Variants in CERS6 observed in about 807,000 individuals in gnomAD.
CERS6 encodes the protein LAG1 homolog, ceramide synthase 6.
In CERS6, 26 loss-of-function variants were observed where a neutral mutation model predicts 56.8. That is an observed-to-expected ratio of 0.46 (90% CI 0.34 to 0.63). The LOEUF (loss-of-function observed/expected upper bound fraction) is 0.63, where lower values mean the gene tolerates loss of function less well. Ranked by LOEUF, CERS6 falls within the 30% of genes least tolerant of loss-of-function variation. CERS6 has a pLI of 0.01. For missense variants in CERS6, 415 were observed against 467.5 expected (o/e 0.89, Z 1.04); for synonymous variants, 164 against 173.3 (o/e 0.95, Z 0.42).
At chr2:168,721,557 T>TG (rs1296194917) in intron 8 of CERS6, among the ~76,000 whole-genome samples, 2 of 88,690 alleles carry the variant, frequency 2.3e-5, no homozygotes, top group African/African-American at 7.9e-5. Flanking sequence ...TGTTTTTGTT[T>TG]TTTTTTTTGT....
In CERS6 at chr2:168,631,102, T is replaced by G. The variant is rs946457714; in HGVS notation, c.465+60T>G. On this transcript the variant is annotated intron_variant, in intron 4 of 9. Coordinates refer to ENST00000305747, the MANE Select transcript of CERS6 (RefSeq NM_203463.3). ...TGTAAGTGTATGTCTATATCCTGGT[T>G]TTTTTTTTTAATGTGTGACTGTAAT... 27 of 414,876 alleles carry G rather than the reference T, an allele frequency of 6.5e-5. No homozygotes were observed. In the African/African-American group the frequency reaches 1.7e-3, roughly 27 times the overall value. The allele number at this position is 414,876 out of a possible 1,614,324, so 25.7% of individuals were successfully genotyped here.
At chr2:168,757,063 A>G (rs894102249) in intron 8 of CERS6, among the ~76,000 whole-genome samples, 3 of 152,192 alleles carry the variant, frequency 2.0e-5, no homozygotes, top group Non-Finnish European at 4.4e-5. Flanking sequence ...AATGGGCAAA[A>G]TGAAGCAATA....
At chr2:168,587,144 A>AC (rs35760456) in intron 3 of CERS6, among the ~76,000 whole-genome samples, 135,721 of 152,218 alleles carry the variant, frequency 0.89, 60,560 homozygotes, top group South Asian at 0.98. Flanking sequence ...GTGCCAGTGC[A>AC]GCTGGGCTGA....
Position 168,456,745 on chromosome 2 carries a change from T to G in CERS6, c.170+127T>G. On this transcript the variant is annotated intron_variant, in intron 1 of 9. Transcript: ENST00000305747. This position sits in a 1 kb window ranked among gnomAD's most constrained non-coding sequence, Gnocchi z 4.1. ...CGTTCACGCCTCCCAACCTTTGTGT[T>G]CGGGGAGGGGTTGCTGACCCCCCTG... The G allele has an allele frequency of 1.1e-6, 1 of 871,874 alleles. No homozygotes were observed. Among genetic ancestry groups the G allele is most frequent in the Non-Finnish European group, 1.8e-6 (1 of 570,472 alleles). The allele number at this position is 871,874 out of a possible 1,614,324, so 54.0% of individuals were successfully genotyped here.
chr2:168,496,173 C>T (rs1694464393), intron 1 of CERS6, among the ~76,000 whole-genome samples: 1 of 152,162 alleles, frequency 6.6e-6, no homozygotes, highest in Non-Finnish European at 1.5e-5. Context: ...TTCACTTATT[C>T]AATTAATCTC....
chr2:168,468,517 G>A (rs1056614482), intron 1 of CERS6, among the ~76,000 whole-genome samples: 1 of 152,190 alleles, frequency 6.6e-6, no homozygotes, highest in Non-Finnish European at 1.5e-5. Context: ...GGGTTGCTGT[G>A]AGGATTAAAT....
intron 9 of CERS6, among the ~76,000 whole-genome samples, chr2:168,768,192 G>A (rs960072198): frequency 2.0e-5 from 3 of 151,888 alleles, no homozygotes; most frequent in Non-Finnish European, 4.4e-5. Context: ...GAGGATTGAA[G>A]AGACTTGGCA....
chr2:168,583,948 A>T (rs1683480522), intron 3 of CERS6, among the ~76,000 whole-genome samples: 1 of 152,194 alleles, frequency 6.6e-6, no homozygotes, highest in African/African-American at 2.4e-5. Context: ...ACATGTACTG[A>T]CATGTACTGA....
At chr2:168,547,258 A>G (rs771699706) in intron 1 of CERS6, among the ~76,000 whole-genome samples, 3 of 152,254 alleles carry the variant, frequency 2.0e-5, no homozygotes, top group Non-Finnish European at 2.9e-5. Context: ...TAAGAAGAGT[A>G]TAAGTTATAT....
chr2:168,550,509 G>A (rs1695547072), intron 2 of CERS6, among the ~76,000 whole-genome samples: 1 of 152,140 alleles, frequency 6.6e-6, no homozygotes, highest in African/African-American at 2.4e-5. Context: ...GTAATGTCAT[G>A]TTCCCTAATG....
intron 4 of CERS6, among the ~76,000 whole-genome samples, chr2:168,662,907 A>G (rs1454557848): frequency 1.3e-5 from 2 of 152,352 alleles, no homozygotes; most frequent in South Asian, 2.1e-4. Flanking sequence ...CATCTTTGCC[A>G]TGAAGAGAAG....
At chr2:168,546,607 T>G (rs1381214547) in intron 1 of CERS6, among the ~76,000 whole-genome samples, 6 of 152,216 alleles carry the variant, frequency 3.9e-5, no homozygotes, top group Non-Finnish European at 7.3e-5. Context: ...TAAGGAAGCT[T>G]CATCTAAGAT....
chr2:168,615,884 A>G (rs1684305473), intron 3 of CERS6, among the ~76,000 whole-genome samples: 1 of 152,220 alleles, frequency 6.6e-6, no homozygotes, highest in African/African-American at 2.4e-5. Flanking sequence ...TGGGAAATTC[A>G]TCACAAAAAG....
At chr2:168,502,852 G>A (rs1694609206) in intron 1 of CERS6, among the ~76,000 whole-genome samples, 1 of 152,134 alleles carries the variant, frequency 6.6e-6, no homozygotes, top group Non-Finnish European at 1.5e-5. Flanking sequence ...GAACCAGCAC[G>A]GTCTCTGAGA....
intron 1 of CERS6, among the ~76,000 whole-genome samples, chr2:168,541,809 G>T (rs1054395248): frequency 4.6e-5 from 7 of 152,162 alleles, no homozygotes; most frequent in African/African-American, 1.7e-4. Context: ...TCAGAAGTCA[G>T]CTAGAATCAT....
At position 168,502,090 on chromosome 2, in the gene CERS6, C is replaced by A. The variant is rs967080333; in HGVS notation, c.170+45472C>A. 1.1e-4 allele frequency among the ~76,000 whole-genome samples: 16 copies of A among 152,040 alleles called. 2 individuals carry two copies. The South Asian group carries it at 1.9e-3, about 18-fold the overall frequency. The stretch of plus-strand genomic sequence containing the variant: ...ACTTACCTGGGTTGTACTGGGCCAA[C>A]ACATTGCGAAGTTTGTATACCTGAG... On this transcript the variant is annotated intron_variant, in intron 1 of 9. Transcript: ENST00000305747.
At chr2:168,605,595 A>AT (rs1212419971) in intron 3 of CERS6, among the ~76,000 whole-genome samples, 4 of 152,178 alleles carry the variant, frequency 2.6e-5, no homozygotes, top group Admixed American at 6.5e-5. Context: ...ACCCCCTCCC[A>AT]TCACAGACCA....
intron 1 of CERS6, among the ~76,000 whole-genome samples, chr2:168,527,289 C>T (rs890479136): frequency 6.6e-6 from 1 of 152,174 alleles, no homozygotes; most frequent in Non-Finnish European, 1.5e-5. Context: ...ATATCCCTGT[C>T]CCTACACATG....
chr2:168,698,260 A>AAAAAAAAAAAAAAAAAGAAAAAG (rs1686715716), intron 6 of CERS6, among the ~76,000 whole-genome samples: 1 of 43,708 alleles, frequency 2.3e-5, no homozygotes, highest in African/African-American at 4.4e-5. Flanking sequence ...AAAAAGAAAA[A>AAAAAAAAAAAAAAAAAGAAAAAG]AAAAAAAAAA....
Sources: allele counts gnomAD v4.1 joint callset (sites outside exome capture counted in the v4.1 genomes callset), GRCh38; gene constraint gnomAD v4.1.1; non-coding constraint Gnocchi (gnomAD v3.1); transcripts MANE v1.5; gene names NCBI Gene and HGNC (gene_info 2026-07-23, HGNC 2026-07-21).